The following MGAT5 variants were observed in gnomAD, a reference collection of about 807,000 sequenced individuals.
The protein encoded by MGAT5 is alpha-1,6-mannosylglycoprotein 6-beta-N-acetylglucosaminyltransferase, also known as alpha-1,6-mannosylglycoprotein 6-beta-N-acetylglucosaminyltransferase A.
Under a neutral mutation model 94.3 loss-of-function variants are expected in MGAT5, and 30 were observed. That is an observed-to-expected ratio of 0.32 (90% CI 0.24 to 0.43). The LOEUF (loss-of-function observed/expected upper bound fraction) is 0.43, where lower values mean the gene tolerates loss of function less well. MGAT5 is among the 20% of genes least tolerant of loss of function. MGAT5 has a pLI of 1.00. For missense variants in MGAT5, 691 were observed against 905.5 expected (o/e 0.76, Z 3.04); for synonymous variants, 310 against 322.9 (o/e 0.96, Z 0.43).
At chr2:134,349,730 G>T in intron 8 of MGAT5, 75 bp from the exon 9 acceptor site, 1 of 1,524,490 alleles carries the variant, frequency 6.6e-7, no homozygotes, top group Non-Finnish European at 8.9e-7. Flanking sequence ...AGTCTTGAAG[G>T]AAGGGTTAGA....
At chr2:134,214,564 C>T (rs1330802382) in intron 1 of MGAT5, among the ~76,000 whole-genome samples, 2 of 151,766 alleles carry the variant, frequency 1.3e-5, no homozygotes, top group Non-Finnish European at 2.9e-5. Context: ...ATGGGTTGGA[C>T]AAGCTAGCTA....
intron 1 of MGAT5, among the ~76,000 whole-genome samples, chr2:134,175,571 G>A (rs1688421808): frequency 6.6e-6 from 1 of 152,146 alleles, no homozygotes; most frequent in East Asian, 1.9e-4. Context: ...ATGAGTGTGT[G>A]AGAGAGAATC....
intron 1 of MGAT5, among the ~76,000 whole-genome samples, chr2:134,174,072 G>C (rs1035412951): frequency 2.0e-5 from 3 of 152,218 alleles, no homozygotes; most frequent in Admixed American, 2.0e-4. Flanking sequence ...AAGAGCATTA[G>C]CTTCTAAGCC....
chr2:134,270,369 T>C lies in MGAT5; in HGVS notation c.242-17T>C. Reference sequence around the variant, plus strand: ...GAGGCCATAGAATTTTAAAATTGTCTGCACTTTCTTTTACAGATCTGAAGA... The same window carrying C: ...GAGGCCATAGAATTTTAAAATTGTCCGCACTTTCTTTTACAGATCTGAAGA... On this transcript the variant is annotated splice_polypyrimidine_tract_variant and intron_variant, in intron 1 of 15. Transcript: ENST00000281923. 1 of 1,611,664 alleles carries C rather than the reference T, an allele frequency of 6.2e-7. No homozygotes were observed. Among genetic ancestry groups the C allele is most frequent in the Non-Finnish European group, 8.5e-7 (1 of 1,178,292 alleles).
chr2:134,196,946 T>A (rs1679524082), intron 1 of MGAT5, among the ~76,000 whole-genome samples: 1 of 152,250 alleles, frequency 6.6e-6, no homozygotes, highest in Non-Finnish European at 1.5e-5. Context: ...ACAAGGGGAT[T>A]TCCTAAAGTT....
chr2:134,120,155 C>A (rs1424604393), upstream of MGAT5: 1 of 157,194 alleles, frequency 6.4e-6, no homozygotes, highest in African/African-American at 2.4e-5. Flanking sequence ...CCTGCGGCTC[C>A]CGCGGCGGCG....
chr2:134,358,790 C>T (rs1343023070), intron 9 of MGAT5, among the ~76,000 whole-genome samples: 3 of 152,170 alleles, frequency 2.0e-5, no homozygotes, highest in African/African-American at 7.2e-5. Context: ...ATAGTGTATG[C>T]TTCATTTATT....
intron 4 of MGAT5, among the ~76,000 whole-genome samples, chr2:134,332,597 T>C (rs1688045001): frequency 6.6e-6 from 1 of 152,016 alleles, no homozygotes; most frequent in Admixed American, 6.6e-5. Flanking sequence ...GGGGATCTAA[T>C]TAAACTAAAG....
At chr2:134,367,229 T>C (rs1169253430) in intron 10 of MGAT5, among the ~76,000 whole-genome samples, 2 of 152,206 alleles carry the variant, frequency 1.3e-5, no homozygotes, top group Non-Finnish European at 2.9e-5. Flanking sequence ...TGTTTGCTGC[T>C]CTTACTAATA....
At chr2:134,400,732 A>G (rs527272452) in intron 10 of MGAT5, among the ~76,000 whole-genome samples, 1 of 152,254 alleles carries the variant, frequency 6.6e-6, no homozygotes, top group South Asian at 2.1e-4. Context: ...GCCCATCTTC[A>G]CTAGTTGGCA....
intron 1 of MGAT5, among the ~76,000 whole-genome samples, chr2:134,219,085 AAG>A (rs1465301745): frequency 6.6e-6 from 1 of 152,130 alleles, no homozygotes. Flanking sequence ...GAATTTGAGG[AAG>A]CCCAGGGAGG....
chr2:134,360,157 A>C (rs894076608), intron 9 of MGAT5, among the ~76,000 whole-genome samples: 1 of 151,566 alleles, frequency 6.6e-6, no homozygotes, highest in Admixed American at 6.5e-5. Flanking sequence ...GACAGGAGTT[A>C]AAGTATTTGG....
intron 9 of MGAT5, among the ~76,000 whole-genome samples, chr2:134,353,345 T>A (rs1012283197): frequency 3.9e-5 from 6 of 152,222 alleles, no homozygotes; most frequent in African/African-American, 1.4e-4. Context: ...ATCTTTTGAC[T>A]ATACAGTTGT....
At chr2:134,251,352 C>T (rs1193052094), upstream of MGAT5, among the ~76,000 whole-genome samples, 1 of 152,122 alleles carries the variant, frequency 6.6e-6, no homozygotes, top group East Asian at 1.9e-4. Context: ...ATAGACTTGG[C>T]GCGGAGCGGA....
In MGAT5 at chr2:134,187,146, T is replaced by C. The variant is rs76418636; in HGVS notation, c.-143+66855T>C. ...GTGTGGAGGGCAAGTAGTGCCCGTA[T>C]ATGGAAAGCCTTGCTGGGCAGGGCT... On this transcript the variant is annotated intron_variant, in intron 1 of 16. Transcript: ENST00000409645. Among the ~76,000 whole-genome samples, 2,349 of 152,204 alleles carry C rather than the reference T, an allele frequency of 0.015. 200 individuals carry two copies. The East Asian group carries it at 0.25, about 16-fold the overall frequency.
At chr2:134,303,517 T>G (rs1230584289) in intron 2 of MGAT5, among the ~76,000 whole-genome samples, 1 of 152,158 alleles carries the variant, frequency 6.6e-6, no homozygotes, top group African/African-American at 2.4e-5. Flanking sequence ...TCCATTTTTT[T>G]CCCTAGTCTT....
intron 1 of MGAT5, among the ~76,000 whole-genome samples, chr2:134,181,493 T>G (rs1016093372): frequency 6.6e-6 from 1 of 152,186 alleles, no homozygotes; most frequent in Non-Finnish European, 1.5e-5. Context: ...GCAGCTGTTG[T>G]GAGGGGACAC....
At chr2:134,369,891 T>C (rs1428797584) in intron 10 of MGAT5, among the ~76,000 whole-genome samples, 4 of 152,126 alleles carry the variant, frequency 2.6e-5, no homozygotes, top group Non-Finnish European at 5.9e-5. Context: ...GGGTCTGCTA[T>C]TATAGGAGGT....
intron 2 of MGAT5, among the ~76,000 whole-genome samples, chr2:134,288,708 G>A (rs1288743001): frequency 1.3e-5 from 2 of 152,108 alleles, no homozygotes; most frequent in Non-Finnish European, 2.9e-5. Flanking sequence ...TTCAAATGAT[G>A]TATGTGAGTG....
Sources: gnomAD v4.1 joint callset for allele counts (sites outside exome capture counted in the v4.1 genomes callset) on GRCh38, gnomAD v4.1.1 for gene constraint, MANE v1.5 for transcripts, NCBI Gene and HGNC (gene_info 2026-07-23, HGNC 2026-07-21) for gene names.